The following LIPA variants were observed in gnomAD, a reference collection of about 807,000 sequenced individuals.
LIPA encodes lysosomal acid lipase/cholesteryl ester hydrolase.
A neutral mutation model predicts 40.6 loss-of-function variants in LIPA; 26 were observed. The ratio of observed to expected loss-of-function variants is 0.64; its 90% confidence interval spans 0.47 to 0.89. The LOEUF is 0.89. LIPA is among the 40% of genes least tolerant of loss of function. The probability of loss-of-function intolerance (pLI) is 0.00; values close to 1 mark genes in which losing one functional copy is unlikely to be tolerated. For synonymous variants in LIPA, 188 were observed against 168.4 expected (o/e 1.12, Z -0.90); for missense variants, 455 against 479.6 (o/e 0.95, Z 0.48).
At chr10:89,402,697 T>C (rs1163432396) in intron 2 of LIPA, 2 of 1,614,110 alleles carry the variant, frequency 1.2e-6, no homozygotes, top group Non-Finnish European at 1.7e-6. Flanking sequence ...TGTCCAGAAA[T>C]AGACTGTGAG....
intron 1 of LIPA, among the ~76,000 whole-genome samples, chr10:89,328,433 G>A (rs1843620069): frequency 6.6e-6 from 1 of 152,168 alleles, no homozygotes; most frequent in South Asian, 2.1e-4. Flanking sequence ...TGATTCAAGG[G>A]TAGACCTAAG....
intron 1 of LIPA, among the ~76,000 whole-genome samples, chr10:89,295,924 GGT>G (rs1252340875): frequency 3.9e-5 from 6 of 152,146 alleles, no homozygotes; most frequent in African/African-American, 1.4e-4. Flanking sequence ...TACCTGCTGT[GGT>G]AACATTATAT....
intron 8 of LIPA, among the ~76,000 whole-genome samples, chr10:89,216,455 T>C (rs908713933): frequency 4.0e-5 from 6 of 151,000 alleles, no homozygotes; most frequent in Admixed American, 6.6e-5. Flanking sequence ...GATGGATATA[T>C]ATAGATAAAA....
At chr10:89,338,786 T>A in intron 1 of LIPA, 2 of 1,614,096 alleles carry the variant, frequency 1.2e-6, no homozygotes, top group Non-Finnish European at 1.7e-6. Flanking sequence ...CAGATTGAAT[T>A]TTTAAACACT....
chr10:89,277,326 C>T (rs1313773873), intron 1 of LIPA, among the ~76,000 whole-genome samples: 1 of 152,162 alleles, frequency 6.6e-6, no homozygotes, highest in Non-Finnish European at 1.5e-5. Context: ...TCTGCTTTCT[C>T]GTATTTAAAA....
chr10:89,372,705 C>T (rs1290450729), intron 2 of LIPA, among the ~76,000 whole-genome samples: 1 of 152,228 alleles, frequency 6.6e-6, no homozygotes, highest in Non-Finnish European at 1.5e-5. Context: ...TTCCTTAAAC[C>T]TCTGTGGGTT....
chr10:89,315,380 C>T (rs1843536208), intron 1 of LIPA, among the ~76,000 whole-genome samples: 1 of 152,138 alleles, frequency 6.6e-6, no homozygotes, highest in South Asian at 2.1e-4. Context: ...CCTCTGAACT[C>T]GAAGTATCTC....
chr10:89,310,400 A>G (rs1843509070), intron 1 of LIPA, among the ~76,000 whole-genome samples: 1 of 152,194 alleles, frequency 6.6e-6, no homozygotes, highest in Non-Finnish European at 1.5e-5. Context: ...TTCTGATTAT[A>G]ACACAGATAG....
chr10:89,352,979 A>G, intron 2 of LIPA, among the ~76,000 whole-genome samples: 1 of 152,168 alleles, frequency 6.6e-6, no homozygotes, highest in Non-Finnish European at 1.5e-5. Context: ...ACAAATGCCT[A>G]TCTGGTTGCT....
intron 1 of LIPA, among the ~76,000 whole-genome samples, chr10:89,320,900 C>A: frequency 1.3e-5 from 2 of 151,606 alleles, no homozygotes; most frequent in African/African-American, 4.9e-5. Context: ...ACAGAGCCCT[C>A]AGAAATAATA....
At chr10:89,392,869 G>A (rs1844277692) in intron 2 of LIPA, 1 of 779,788 alleles carries the variant, frequency 1.3e-6, no homozygotes, top group Admixed American at 2.5e-5. Context: ...GTGCATGCAT[G>A]TGTGTGCACG....
intron 1 of LIPA, among the ~76,000 whole-genome samples, chr10:89,321,285 T>C (rs1369193211): frequency 6.6e-6 from 1 of 152,150 alleles, no homozygotes; most frequent in Non-Finnish European, 1.5e-5. Context: ...ACAGGCAACC[T>C]ACAGAGTGGG....
intron 1 of LIPA, among the ~76,000 whole-genome samples, chr10:89,267,198 T>C (rs1460965623): frequency 6.6e-6 from 1 of 152,180 alleles, no homozygotes; most frequent in Non-Finnish European, 1.5e-5. Context: ...AATGGAATGA[T>C]TCAAAGACAG....
In LIPA at chr10:89,247,602, G is replaced by GGTC; in HGVS notation, c.46_47insGAC (p.Thr16delinsArgPro). 6.2e-7 allele frequency: 1 copy of GGTC among 1,613,258 alleles called. No homozygotes were observed. The highest frequency in any genetic ancestry group is 8.5e-7 in the Non-Finnish European group (1 of 1,179,506). On this transcript the variant is annotated protein_altering_variant, in exon 2 of 10. Coordinates refer to ENST00000336233, the MANE Select transcript of LIPA (RefSeq NM_000235.4). ...CCCTCCAGACCCCTCAGAATGCAGG[G>GGTC]TCCAGAGAACCAAACAGACCACCAA...
intron 1 of LIPA, among the ~76,000 whole-genome samples, chr10:89,413,857 A>T (rs1264041407): frequency 6.6e-6 from 1 of 152,144 alleles, no homozygotes; most frequent in African/African-American, 2.4e-5. Flanking sequence ...CAATAAGGGT[A>T]AGGCCCGTGT....
chr10:89,236,619 C>T (rs2039372608), intron 3 of LIPA, among the ~76,000 whole-genome samples: 1 of 152,092 alleles, frequency 6.6e-6, no homozygotes, highest in Non-Finnish European at 1.5e-5. Flanking sequence ...CTTCAATTAT[C>T]TTCATTTCAA....
intron 2 of LIPA, among the ~76,000 whole-genome samples, chr10:89,360,689 T>C (rs1335301255): frequency 2.6e-5 from 4 of 152,226 alleles, no homozygotes; most frequent in Non-Finnish European, 5.9e-5. Flanking sequence ...TGCACCTGGC[T>C]CGTTCCCCAT....
Position 89,225,138 on chromosome 10 carries a change from G to A in LIPA, c.629C>T (p.Thr210Ile). Residue 210 changes from threonine to isoleucine, a missense_variant, in exon 6 of 10, where the codon ACT becomes ATT. Coordinates refer to ENST00000336233, the MANE Select transcript of LIPA (RefSeq NM_000235.4). The stretch of plus-strand genomic sequence containing the variant: ...TCGTCCTAATTTGGCCATAGGGCTA[G>A]TACAGAAGGCGACGGAAGCCACAGG... ...LGPVASVAFC[T>I]SPMAKLGRLP... is the part of the protein sequence containing the mutation. The A allele has an allele frequency of 1.2e-6, 2 of 1,614,202 alleles. No homozygotes were observed. The highest frequency in any genetic ancestry group is 2.2e-5 in the East Asian group (1 of 44,888).
chr10:89,333,571 A>G (rs978042322), intron 1 of LIPA, among the ~76,000 whole-genome samples: 1 of 152,196 alleles, frequency 6.6e-6, no homozygotes, highest in Non-Finnish European at 1.5e-5. Context: ...CACAGTGGCT[A>G]AGCCTGTAAT....
Sources: allele counts gnomAD v4.1 joint callset (sites outside exome capture counted in the v4.1 genomes callset), GRCh38; gene constraint gnomAD v4.1.1; transcripts MANE v1.5; gene names NCBI Gene and HGNC (gene_info 2026-07-23, HGNC 2026-07-21).